The following MAPKAPK5 variants were observed in gnomAD, a reference collection of about 807,000 sequenced individuals.
MAPKAPK5 encodes the protein MAP kinase-activated protein kinase 5.
A neutral mutation model predicts 65.1 loss-of-function variants in MAPKAPK5; 30 were observed. That is an observed-to-expected ratio of 0.46 (90% CI 0.34 to 0.63). The LOEUF is 0.63. MAPKAPK5 is among the 20% of genes least tolerant of loss of function. MAPKAPK5 has a pLI of 0.01. For synonymous variants in MAPKAPK5, 179 were observed against 204.6 expected (o/e 0.87, Z 1.07); for missense variants, 433 against 581.4 (o/e 0.74, Z 2.63).
At chr12:111,888,697 C>T in intron 11 of MAPKAPK5, 79 bp downstream of exon 11, 7 of 1,577,954 alleles carry the variant, frequency 4.4e-6, no homozygotes, top group Non-Finnish European at 6.0e-6. Context: ...AGAAATTTAA[C>T]TTGCTCAGCT....
chr12:111,845,608 G>C (rs2068881574), intron 1 of MAPKAPK5, among the ~76,000 whole-genome samples: 1 of 152,088 alleles, frequency 6.6e-6, no homozygotes, highest in South Asian at 2.1e-4. Flanking sequence ...TAAATGAGCA[G>C]ATATACCCAA....
At chr12:111,844,072 T>A (rs1444918157) in intron 1 of MAPKAPK5, among the ~76,000 whole-genome samples, 1 of 152,160 alleles carries the variant, frequency 6.6e-6, no homozygotes, top group African/African-American at 2.4e-5. Context: ...TCTGCCCGCC[T>A]TGGCCTCCCA....
chr12:111,848,325 G>T (rs1439834141), intron 1 of MAPKAPK5, among the ~76,000 whole-genome samples: 1 of 151,700 alleles, frequency 6.6e-6, no homozygotes, highest in African/African-American at 2.4e-5. Context: ...TTTCCCTAAC[G>T]ACTAATGCTG....
chr12:111,883,466 G>A lies in MAPKAPK5; in HGVS notation c.661-115G>A. 1 of 782,874 alleles carries A rather than the reference G, an allele frequency of 1.3e-6. No individual in the cohort carries two copies. Among genetic ancestry groups the A allele is most frequent in the East Asian group, 2.5e-5 (1 of 39,624 alleles). 48.5% of individuals were successfully genotyped at this position (782,874 alleles called of 1,614,324 possible). ...TCAGCTTTCCTAGTCTCTGTTAAGT[G>A]ACTCTAGTTTATATCAGCCTATATA... On this transcript the variant is annotated intron_variant, in intron 8 of 13. Transcript: ENST00000550735. The surrounding 1 kb of genome is among the most constrained non-coding windows in gnomAD (Gnocchi z 4.8).
intron 13 of MAPKAPK5, among the ~76,000 whole-genome samples, chr12:111,892,501 A>G (rs61941287): frequency 0.011 from 1,720 of 152,280 alleles, 10 homozygotes; most frequent in Non-Finnish European, 0.019. Flanking sequence ...TGGTATTGCA[A>G]TGTGGTTTTA....
intron 7 of MAPKAPK5, among the ~76,000 whole-genome samples, chr12:111,878,184 T>A (rs575662536): frequency 6.6e-6 from 1 of 152,184 alleles, no homozygotes; most frequent in African/African-American, 2.4e-5. Context: ...GAAAACTTTT[T>A]TAAGGCCTGT....
intron 7 of MAPKAPK5, 107 bp downstream of exon 7, chr12:111,871,287 G>A (rs780463161): frequency 1.3e-5 from 11 of 840,390 alleles, no homozygotes; most frequent in Non-Finnish European, 1.9e-5. Flanking sequence ...ATGGGAGGGG[G>A]AGAACTTAGC....
At position 111,871,192 on chromosome 12, in the gene MAPKAPK5, C is replaced by T. The variant is rs749009537; in HGVS notation, c.579+12C>T. ...ATGTAGCACCCCAGGTAAGCATGTG[C>T]GGTTTCTGTCCTAAGATCTGTCACC... On this transcript the variant is annotated intron_variant, in intron 7 of 13. Coordinates refer to ENST00000550735, the MANE Select transcript of MAPKAPK5 (RefSeq NM_003668.4). 7.5e-5 allele frequency: 120 copies of T among 1,607,572 alleles called. No homozygotes were observed. The highest frequency in any genetic ancestry group is 7.7e-5 in the South Asian group (7 of 90,510).
chr12:111,899,839 T>C lies in MAPKAPK5; in HGVS notation c.*6778T>C. 2.3e-6 allele frequency: 1 copy of C among 444,320 alleles called. No individual in the cohort carries two copies. The highest frequency in any genetic ancestry group is 4.6e-6 in the Non-Finnish European group (1 of 217,338). The allele number at this position is 444,320 out of a possible 1,614,324, so 27.5% of individuals were successfully genotyped here. On this transcript the variant is annotated 3_prime_UTR_variant, in exon 14 of 14. Transcript: ENST00000550735. ...TGGACTCTTCAAGACGGTTTGAACA[T>C]GTGTTATACACCATGGCACATCAAG... is the stretch of plus-strand genomic sequence containing the variant.
chr12:111,868,789 G>T lies in MAPKAPK5; in HGVS notation c.321G>T (p.Gly107=). 6.4e-7 allele frequency: 1 copy of T among 1,571,228 alleles called. No individual in the cohort carries two copies. The highest frequency in any genetic ancestry group is 8.6e-7 in the Non-Finnish European group (1 of 1,158,198). ...RLLIVMEMME[G]GELFHRISQH... ...TAATTGTAATGGAGATGATGGAAGG[G>T]GGAGAGCTATTTCACAGAATCAGCC... Residue 107 remains glycine, a synonymous_variant, in exon 5 of 14, where the codon GGG becomes GGT. Coordinates refer to ENST00000550735, the MANE Select transcript of MAPKAPK5 (RefSeq NM_003668.4).
At chr12:111,868,132 A>G (rs1207800984) in intron 4 of MAPKAPK5, among the ~76,000 whole-genome samples, 1 of 152,256 alleles carries the variant, frequency 6.6e-6, no homozygotes, top group Non-Finnish European at 1.5e-5. Context: ...CCTTTTAAAG[A>G]AAGAAATCAA....
chr12:111,847,297 G>A (rs1045560944), intron 1 of MAPKAPK5, among the ~76,000 whole-genome samples: 2 of 149,464 alleles, frequency 1.3e-5, no homozygotes, highest in Non-Finnish European at 3.0e-5. Flanking sequence ...GTAGTGAGCT[G>A]AGATTGCTCC....
At chr12:111,874,409 T>A (rs987710611) in intron 7 of MAPKAPK5, among the ~76,000 whole-genome samples, 7 of 151,150 alleles carry the variant, frequency 4.6e-5, no homozygotes, top group African/African-American at 1.7e-4. Context: ...AAAAAAAAAA[T>A]TCATTTTCTA....
Position 111,894,714 on chromosome 12 carries a change from T to G in MAPKAPK5, c.*1653T>G, listed in dbSNP as rs1390294222. Reference sequence around the variant, plus strand: ...AGGAAAAATAAGGCTAGGTCCTTTTTTAGTTTTCTGTTGTGAGTATGGGTT... The same window carrying G: ...AGGAAAAATAAGGCTAGGTCCTTTTGTAGTTTTCTGTTGTGAGTATGGGTT... On this transcript the variant is annotated 3_prime_UTR_variant, in exon 14 of 14. Transcript: ENST00000550735. 6.6e-6 allele frequency: 1 copy of G among 152,076 alleles called. No individual in the cohort carries two copies. Among genetic ancestry groups the G allele is most frequent in the Non-Finnish European group, 1.5e-5 (1 of 68,062 alleles). 9.4% of individuals were successfully genotyped at this position (152,076 alleles called of 1,614,324 possible).
At chr12:111,860,200 C>G (rs1467639059) in intron 1 of MAPKAPK5, among the ~76,000 whole-genome samples, 1 of 152,206 alleles carries the variant, frequency 6.6e-6, no homozygotes, top group African/African-American at 2.4e-5. Context: ...GCCCCTGAGG[C>G]TTTTACCCTA....
At chr12:111,889,927 C>A in intron 12 of MAPKAPK5, 113 bp from the exon 13 acceptor site, 1 of 676,722 alleles carries the variant, frequency 1.5e-6, no homozygotes, top group South Asian at 1.7e-5. Context: ...TGAAGTTTTG[C>A]ACATTCAGTC....
chr12:111,845,507 C>G (rs2068879214), intron 1 of MAPKAPK5, among the ~76,000 whole-genome samples: 1 of 152,192 alleles, frequency 6.6e-6, no homozygotes. Context: ...CACTTCACTT[C>G]TGTCTCGTTA....
Position 111,883,959 on chromosome 12 carries a change from C to T in MAPKAPK5, c.848+191C>T, listed in dbSNP as rs2070319949. ...ACCTTGGTGCGAATGAAGCTTTCCT[C>T]CCTCCTGTTGCATCCCTAGACTTTG... On this transcript the variant is annotated intron_variant, in intron 9 of 13. Coordinates refer to ENST00000550735, the MANE Select transcript of MAPKAPK5 (RefSeq NM_003668.4). The surrounding 1 kb of genome is among the most constrained non-coding windows in gnomAD (Gnocchi z 4.8). Among the ~76,000 whole-genome samples the T allele has an allele frequency of 6.6e-6, 1 of 152,226 alleles. No homozygotes were observed. The highest frequency in any genetic ancestry group is 1.5e-5 in the Non-Finnish European group (1 of 68,044).
Position 111,865,258 on chromosome 12 carries a change from C to A in MAPKAPK5, c.45C>A (p.Ser15=). ...TTTTTTTATATTAATAGGAAACTTC[C>A]ATTTTAGAAGAATACAGTATCAATT... ...SDMDKAIKET[S]ILEEYSINWT... The change falls in exon 2 of 14, where the codon TCC becomes TCA. Residue 15 remains serine (S), a synonymous_variant. Coordinates refer to ENST00000550735, the MANE Select transcript of MAPKAPK5 (RefSeq NM_003668.4). 1 of 1,575,924 alleles carries A rather than the reference C, an allele frequency of 6.3e-7. No homozygotes were observed. Among genetic ancestry groups the A allele is most frequent in the Non-Finnish European group, 8.6e-7 (1 of 1,158,704 alleles).
Sources: allele counts gnomAD v4.1 joint callset (sites outside exome capture counted in the v4.1 genomes callset), GRCh38; gene constraint gnomAD v4.1.1; non-coding constraint Gnocchi (gnomAD v3.1); transcripts MANE v1.5; gene names NCBI Gene and HGNC (gene_info 2026-07-23, HGNC 2026-07-21).